The following PPIL6 variants were observed in gnomAD, a reference collection of about 807,000 sequenced individuals.
PPIL6 encodes the protein probable inactive peptidyl-prolyl cis-trans isomerase-like 6.
Under a neutral mutation model 36.8 loss-of-function variants are expected in PPIL6, and 39 were observed. The observed-to-expected ratio is 1.06, with a 90% CI of 0.82 to 1.38. The LOEUF is 1.38. Ranked by LOEUF, PPIL6 falls within the 40% of genes most tolerant of loss-of-function variation. The pLI is 0.00. For synonymous variants in PPIL6, 123 were observed against 134.1 expected, an observed-to-expected ratio of 0.92 and a Z score of 0.57; for missense variants, 368 against 379.1, an observed-to-expected ratio of 0.97 and a Z score of 0.24.
intron 6 of PPIL6, chr6:109,402,937 CT>C: frequency 1.3e-6 from 1 of 779,052 alleles, no homozygotes; most frequent in Non-Finnish European, 2.0e-6. Flanking sequence ...CTCTAACTAG[CT>C]TTGCAGACAT....
At chr6:109,403,818 C>T (rs1450495392) in intron 6 of PPIL6, among the ~76,000 whole-genome samples, 2 of 152,082 alleles carry the variant, frequency 1.3e-5, no homozygotes, top group Non-Finnish European at 2.9e-5. Context: ...TGCAGTTTTT[C>T]ACAGCCCCAG....
chr6:109,408,557 A>G (rs1449936896), intron 6 of PPIL6, among the ~76,000 whole-genome samples: 1 of 152,234 alleles, frequency 6.6e-6, no homozygotes, highest in Non-Finnish European at 1.5e-5. Context: ...TCTAAGATAT[A>G]TGCATTTTAT....
At position 109,440,100 on chromosome 6, in the gene PPIL6, T is replaced by C. The variant is rs117406850; in HGVS notation, c.135+356A>G. ...TATATAGTAATCATTTTTCCATAAA[T>C]TTAAATATCTCTAATTAAAGAAAAA... On this transcript the variant is annotated intron_variant, in intron 1 of 7. Coordinates refer to ENST00000521072, the MANE Select transcript of PPIL6 (RefSeq NM_173672.5). 5.2e-3 allele frequency: 1,733 copies of C among 331,976 alleles called. 9 individuals are homozygous for C. The highest frequency in any genetic ancestry group is 8.2e-3 in the Non-Finnish European group (1,400 of 170,416). The allele number at this position is 331,976 out of a possible 1,614,324, so 20.6% of individuals were successfully genotyped here. A position where few individuals can be genotyped will look rare whatever the true frequency, so the allele number is the denominator to read the frequency against.
At position 109,436,217 on chromosome 6, in the gene PPIL6, A is replaced by G; in HGVS notation, c.136-18T>C. On this transcript the variant is annotated intron_variant, in intron 1 of 7. Coordinates refer to ENST00000521072, the MANE Select transcript of PPIL6 (RefSeq NM_173672.5). ...TTCAGATTCTGGATTTCGAAATAGA[A>G]TAATTATTTTAGAGTTAGTTCTCTT... 7.3e-7 allele frequency: 1 copy of G among 1,360,684 alleles called. No individual in the cohort carries two copies. The highest frequency in any genetic ancestry group is 1.0e-6 in the Non-Finnish European group (1 of 955,292). 84.3% of individuals were successfully genotyped at this position (1,360,684 alleles called of 1,614,324 possible).
chr6:109,427,201 C>A (rs770236558), intron 3 of PPIL6, 45 bp from the exon 4 acceptor site: 41 of 1,455,048 alleles, frequency 2.8e-5, no homozygotes, highest in Admixed American at 5.9e-5. Flanking sequence ...CAAAGTCTTA[C>A]AAGAAAGTTT....
At chr6:109,403,056 C>T in intron 6 of PPIL6, 1 of 1,532,384 alleles carries the variant, frequency 6.5e-7, no homozygotes, top group Non-Finnish European at 8.7e-7. Context: ...TCTTTCCAAC[C>T]CCTCTGCTTT....
rs1254112612 is a variant in PPIL6 at position 109,431,168 on chromosome 6, T to C, written c.409A>G (p.Arg137Gly). The change falls in exon 3 of 8, where the codon AGA becomes GGA. Residue 137 changes from arginine (R) to glycine (G), a missense_variant. Arg to Gly is a moderately radical substitution (Grantham distance 125). Coordinates refer to ENST00000521072, the MANE Select transcript of PPIL6 (RefSeq NM_173672.5). ...TTAGTATAACTTGCCTTGGTGTCTC[T>C]TAAGAACTTAGCGGAAAAATCCTCA... ...LTEDFSAKFLRDTKHDFVFLD... is the reference protein window; with the variant it reads ...LTEDFSAKFLGDTKHDFVFLD... 1.9e-6 allele frequency: 3 copies of C among 1,608,834 alleles called. No homozygotes were observed.
intron 1 of PPIL6, among the ~76,000 whole-genome samples, chr6:109,436,882 G>C (rs1241375507): frequency 6.6e-6 from 1 of 152,182 alleles, no homozygotes; most frequent in African/African-American, 2.4e-5. Context: ...TGTTCTTTAA[G>C]ACTAGTTTTT....
intron 5 of PPIL6, among the ~76,000 whole-genome samples, chr6:109,421,855 ATAG>A (rs1181458773): frequency 1.3e-5 from 2 of 151,984 alleles, no homozygotes; most frequent in African/African-American, 4.8e-5. Flanking sequence ...CCTGGGCAAT[ATAG>A]TGAGACTCTG....
chr6:109,407,220 G>A (rs969500043), intron 6 of PPIL6, among the ~76,000 whole-genome samples: 1 of 151,530 alleles, frequency 6.6e-6, no homozygotes, highest in Non-Finnish European at 1.5e-5. Context: ...TTAAAGTCAT[G>A]TTCAGGACTA....
rs1019328282 is a variant in PPIL6, at chr6:109,401,822, A to G, written c.689-1652T>C. ...TCACTGCAAGCTGCGCCTCGGGTTC[A>G]TGCCATTCTCCTGCCTCAGCCTCCC... On this transcript the variant is annotated intron_variant, in intron 6 of 7. Coordinates refer to ENST00000521072, the MANE Select transcript of PPIL6 (RefSeq NM_173672.5). 2.0e-5 allele frequency among the ~76,000 whole-genome samples: 3 copies of G among 149,350 alleles called. No individual in the cohort carries two copies. In the Admixed American group the frequency reaches 2.0e-4, roughly 10 times the overall value.
intron 5 of PPIL6, among the ~76,000 whole-genome samples, chr6:109,421,519 T>C (rs1773536924): frequency 6.6e-6 from 1 of 152,246 alleles, no homozygotes. Flanking sequence ...GTCATGCCCA[T>C]GCAGCATCAC....
intron 6 of PPIL6, among the ~76,000 whole-genome samples, chr6:109,415,930 T>C (rs1191998157): frequency 6.6e-6 from 1 of 152,188 alleles, no homozygotes; most frequent in Non-Finnish European, 1.5e-5. Flanking sequence ...TCAAAAGAAC[T>C]TTTTAAAAGG....
intron 7 of PPIL6, among the ~76,000 whole-genome samples, chr6:109,393,951 G>A (rs1772195918): frequency 6.6e-6 from 1 of 152,162 alleles, no homozygotes; most frequent in Non-Finnish European, 1.5e-5. Flanking sequence ...TTCTTTGATT[G>A]ATTTCTAATT....
intron 6 of PPIL6, among the ~76,000 whole-genome samples, chr6:109,405,927 G>T (rs1264280913): frequency 1.3e-5 from 2 of 152,118 alleles, no homozygotes; most frequent in Non-Finnish European, 2.9e-5. Flanking sequence ...TGGGTTTTTT[G>T]GGCTACTATC....
At chr6:109,396,934 C>T (rs1265676648) in intron 7 of PPIL6, among the ~76,000 whole-genome samples, 1 of 151,796 alleles carries the variant, frequency 6.6e-6, no homozygotes, top group Non-Finnish European at 1.5e-5. Context: ...CCTTGCTAAC[C>T]ATGTCTGGGC....
At position 109,440,495 on chromosome 6, in the gene PPIL6, G is replaced by A; in HGVS notation, c.96C>T (p.Phe32=). The A allele has an allele frequency of 6.5e-7, 1 of 1,539,084 alleles. No individual in the cohort carries two copies. The part of the protein sequence containing the change: ...RPLQVKVVGL[F]SCPNFQIAKS... ...TCGCAATCTGAAAGTTGGGGCAGCT[G>A]AAGAGCCCCACCACCTTCACCTGCA... Residue 32 remains phenylalanine, a synonymous_variant, in exon 1 of 8, where the codon TTC becomes TTT. Coordinates refer to ENST00000521072, the MANE Select transcript of PPIL6 (RefSeq NM_173672.5).
intron 6 of PPIL6, among the ~76,000 whole-genome samples, chr6:109,412,715 C>T (rs1052297019): frequency 5.3e-5 from 8 of 152,140 alleles, no homozygotes; most frequent in Non-Finnish European, 7.3e-5. Context: ...CCCTACCTCT[C>T]ACCATATATA....
chr6:109,404,582 GT>G (rs1269990477), intron 6 of PPIL6, among the ~76,000 whole-genome samples: 1 of 152,208 alleles, frequency 6.6e-6, no homozygotes, highest in African/African-American at 2.4e-5. Context: ...TAGAAACTCG[GT>G]TATACCATCT....
Sources: gnomAD v4.1 joint callset for allele counts (sites outside exome capture counted in the v4.1 genomes callset) on GRCh38, gnomAD v4.1.1 for gene constraint, MANE v1.5 for transcripts, NCBI Gene and HGNC (gene_info 2026-07-23, HGNC 2026-07-21) for gene names.